CTNNA3: variants seen among roughly 807,000 people sequenced by gnomAD.
The protein encoded by CTNNA3 is catenin alpha 3.
CTNNA3 carries 76 observed loss-of-function variants against 95.7 expected under a neutral mutation model. The ratio of observed to expected loss-of-function variants is 0.79; its 90% confidence interval spans 0.66 to 0.96. The LOEUF (loss-of-function observed/expected upper bound fraction) is 0.96. Ranked by LOEUF, CTNNA3 falls within the 40% of genes least tolerant of loss-of-function variation. CTNNA3 has a pLI of 0.00. For synonymous variants in CTNNA3, 431 were observed against 374.4 expected (o/e 1.15, Z -1.74); for missense variants, 1,191 against 1,089.8 (o/e 1.09, Z -1.31).
chr10:67,180,993 A>C (rs1001155737), intron 6 of CTNNA3, among the ~76,000 whole-genome samples: 27 of 152,196 alleles, frequency 1.8e-4, no homozygotes, highest in Admixed American at 1.6e-3. Flanking sequence ...AGTAGGCAGC[A>C]AAGTATTAAT....
intron 9 of CTNNA3, among the ~76,000 whole-genome samples, chr10:66,631,964 AT>A (rs869178757): frequency 1.8e-4 from 11 of 59,916 alleles, no homozygotes; most frequent in African/African-American, 6.3e-4. Context: ...AAAATTTGTT[AT>A]TATAGCAACT....
intron 7 of CTNNA3, among the ~76,000 whole-genome samples, chr10:67,089,471 G>T (rs1857498723): frequency 6.6e-6 from 1 of 151,890 alleles, no homozygotes; most frequent in Non-Finnish European, 1.5e-5. Flanking sequence ...ATGCTAAAGA[G>T]TTCTAGGAGA....
chr10:67,620,067 C>G (rs1044624831), intron 2 of CTNNA3, among the ~76,000 whole-genome samples: 5 of 151,882 alleles, frequency 3.3e-5, no homozygotes, highest in South Asian at 2.1e-4. Context: ...GGTGAAGAGC[C>G]AAGTGATCTA....
chr10:66,336,125 C>T (rs2092392641), intron 12 of CTNNA3, among the ~76,000 whole-genome samples: 1 of 152,102 alleles, frequency 6.6e-6, no homozygotes, highest in Admixed American at 6.5e-5. Flanking sequence ...CAGGTGCCGT[C>T]TGTCACCCCT....
intron 5 of CTNNA3, among the ~76,000 whole-genome samples, chr10:67,504,459 A>T (rs1386345176): frequency 6.6e-6 from 1 of 150,654 alleles, no homozygotes; most frequent in Non-Finnish European, 1.5e-5. Flanking sequence ...AAAAAAAAAA[A>T]ACAGAGTAAC....
At chr10:67,684,588 G>A (rs1045288508) in intron 1 of CTNNA3, among the ~76,000 whole-genome samples, 1 of 152,170 alleles carries the variant, frequency 6.6e-6, no homozygotes, top group Non-Finnish European at 1.5e-5. Flanking sequence ...ACTTCCTGCT[G>A]GATAGGGGCA....
intron 17 of CTNNA3, among the ~76,000 whole-genome samples, chr10:65,958,496 G>T (rs1296674914): frequency 6.6e-6 from 1 of 152,142 alleles, no homozygotes; most frequent in African/African-American, 2.4e-5. Flanking sequence ...CAGCTTTTCT[G>T]CTGTGGTTTC....
intron 9 of CTNNA3, among the ~76,000 whole-genome samples, chr10:66,672,862 A>G (rs1297964826): frequency 6.6e-6 from 1 of 152,098 alleles, no homozygotes; most frequent in African/African-American, 2.4e-5. Flanking sequence ...AGCTCTTAAG[A>G]TTGATCAGCC....
At chr10:66,138,698 A>G (rs1214775140) in intron 13 of CTNNA3, among the ~76,000 whole-genome samples, 4 of 152,106 alleles carry the variant, frequency 2.6e-5, no homozygotes, top group African/African-American at 9.7e-5. Flanking sequence ...AAAAATATTA[A>G]AAATACAGAA....
At chr10:67,492,052 T>C (rs75109875) in intron 5 of CTNNA3, among the ~76,000 whole-genome samples, 2,595 of 152,152 alleles carry the variant, frequency 0.017, 78 homozygotes, top group African/African-American at 0.057. Flanking sequence ...AATCATCCAA[T>C]TGTTAGATTA....
chr10:66,355,904 CT>C (rs2092605148), intron 12 of CTNNA3, among the ~76,000 whole-genome samples: 1 of 25,560 alleles, frequency 3.9e-5, no homozygotes, highest in African/African-American at 7.9e-5. Context: ...GGTTCAATGT[CT>C]AAATTGTTCC....
rs191437525 is a variant in CTNNA3 at position 66,071,304 on chromosome 10, C to A, written c.1978-1815G>T. 7.8e-5 allele frequency among the ~76,000 whole-genome samples: 4 copies of A among 51,086 alleles called. No individual in the cohort carries two copies. The Admixed American group carries it at 7.8e-4, about 10-fold the overall frequency. 33.5% of individuals were successfully genotyped at this position (51,086 alleles called of 152,430 possible). A position where few individuals can be genotyped will look rare whatever the true frequency, so the allele number is the denominator to read the frequency against. On this transcript the variant is annotated intron_variant, in intron 14 of 17. Coordinates refer to ENST00000433211, the MANE Select transcript of CTNNA3 (RefSeq NM_013266.4). ...GCAGAACTCTGATAGAAATAACTGT[C>A]AAAGGCTTTTTCAATCACTGCCATC...
At chr10:66,006,707 G>A (rs1248660739) in intron 15 of CTNNA3, among the ~76,000 whole-genome samples, 1 of 151,856 alleles carries the variant, frequency 6.6e-6, no homozygotes, top group Non-Finnish European at 1.5e-5. Flanking sequence ...TTTCATATCA[G>A]ACCAACTTTT....
intron 3 of CTNNA3, among the ~76,000 whole-genome samples, chr10:67,602,188 C>A (rs1242716019): frequency 6.6e-4 from 5 of 7,574 alleles, no homozygotes; most frequent in South Asian, 0.01. Context: ...TGGACAAATA[C>A]CTTTAAAAAA....
chr10:66,766,095 G>T, intron 9 of CTNNA3, 169 bp downstream of exon 9: 1 of 532,532 alleles, frequency 1.9e-6, no homozygotes, highest in Non-Finnish European at 3.3e-6. Flanking sequence ...AGCCAATGTG[G>T]AGTGATCTAT....
intron 7 of CTNNA3, among the ~76,000 whole-genome samples, chr10:66,777,484 C>A (rs1840349413): frequency 6.6e-6 from 1 of 151,830 alleles, no homozygotes; most frequent in Non-Finnish European, 1.5e-5. Context: ...GCAATGGCAG[C>A]AATTACACAG....
At chr10:66,022,308 CA>C (rs2079235527) in intron 15 of CTNNA3, among the ~76,000 whole-genome samples, 1 of 152,076 alleles carries the variant, frequency 6.6e-6, no homozygotes, top group Non-Finnish European at 1.5e-5. Context: ...TAGCTTTAAA[CA>C]AAAGTTATAT....
chr10:67,543,919 G>A (rs914400388), intron 3 of CTNNA3, among the ~76,000 whole-genome samples: 1 of 152,110 alleles, frequency 6.6e-6, no homozygotes, highest in East Asian at 1.9e-4. Flanking sequence ...ACCTCAATTC[G>A]ATCCTAAACT....
Position 66,639,666 on chromosome 10 carries a change from G to C in CTNNA3, c.1282-17882C>G, listed in dbSNP as rs74143451. Among the ~76,000 whole-genome samples, 1,191 of 152,090 alleles carry C rather than the reference G, an allele frequency of 7.8e-3. 15 individuals are homozygous for C. The highest frequency in any genetic ancestry group is 0.027 in the African/African-American group (1,131 of 41,484). On this transcript the variant is annotated intron_variant, in intron 9 of 17. Transcript: ENST00000433211. Reference sequence around the variant, plus strand: ...ACTCTTTCATATTCTCCAGTAAAAAGATAAAACTTGAAGTATTTATTTAGA... The same window carrying C: ...ACTCTTTCATATTCTCCAGTAAAAACATAAAACTTGAAGTATTTATTTAGA...
Sources: gnomAD v4.1 joint callset for allele counts (sites outside exome capture counted in the v4.1 genomes callset) on GRCh38, gnomAD v4.1.1 for gene constraint, MANE v1.5 for transcripts, NCBI Gene and HGNC (gene_info 2026-07-23, HGNC 2026-07-21) for gene names.